The following CSMD1 variants were observed in gnomAD, a reference collection of about 807,000 sequenced individuals.
CSMD1 encodes CUB and Sushi multiple domains 1.
A neutral mutation model predicts 417.5 loss-of-function variants in CSMD1; 213 were observed. The observed-to-expected ratio is 0.51, with a 90% CI of 0.46 to 0.57. The LOEUF (loss-of-function observed/expected upper bound fraction) is 0.57. Ranked by LOEUF, CSMD1 falls within the 20% of genes least tolerant of loss-of-function variation. CSMD1 has a pLI of 0.00. For synonymous variants in CSMD1, 2,862 were observed against 1,736.8 expected (o/e 1.65, Z -16.11); for missense variants, 6,923 against 4,529.7 (o/e 1.53, Z -15.17).
At chr8:4,183,945 A>G (rs1379319074) in intron 3 of CSMD1, among the ~76,000 whole-genome samples, 1 of 152,150 alleles carries the variant, frequency 6.6e-6, no homozygotes, top group Non-Finnish European at 1.5e-5. Context: ...AAACCTATGA[A>G]CTGCTCCTGA....
intron 5 of CSMD1, among the ~76,000 whole-genome samples, chr8:3,943,698 T>C (rs142795495): frequency 0.01 from 1,582 of 152,236 alleles, 22 homozygotes; most frequent in African/African-American, 0.036. Context: ...GAAGACACAA[T>C]GCCAATTCTG....
intron 10 of CSMD1, among the ~76,000 whole-genome samples, chr8:3,530,528 T>C (rs532842460): frequency 3.9e-5 from 6 of 152,326 alleles, no homozygotes; most frequent in Middle Eastern, 3.4e-3. Flanking sequence ...CGTTTTGTTT[T>C]GTTTTTGTTT....
chr8:3,842,689 A>G (rs1168653065), intron 5 of CSMD1, among the ~76,000 whole-genome samples: 1 of 152,168 alleles, frequency 6.6e-6, no homozygotes, highest in Non-Finnish European at 1.5e-5. Flanking sequence ...ATTTGAAACT[A>G]AAACCAAACT....
intron 26 of CSMD1, among the ~76,000 whole-genome samples, chr8:3,257,323 T>G (rs62505003): frequency 6.6e-6 from 1 of 152,250 alleles, no homozygotes; most frequent in Non-Finnish European, 1.5e-5. Context: ...AAACTCCATC[T>G]CAAAACAAAC....
intron 3 of CSMD1, among the ~76,000 whole-genome samples, chr8:4,312,840 G>A (rs1228210765): frequency 6.6e-6 from 1 of 152,066 alleles, no homozygotes; most frequent in Non-Finnish European, 1.5e-5. Context: ...CGCCAGGCAA[G>A]GCGGTAAGAG....
intron 44 of CSMD1, 77 bp downstream of exon 44, chr8:3,108,526 A>G: frequency 6.9e-7 from 1 of 1,450,132 alleles, no homozygotes; most frequent in Non-Finnish European, 9.4e-7. Context: ...TCAGCTGGAA[A>G]CAAGGCGTGG....
At chr8:4,849,080 G>C (rs552343325) in intron 1 of CSMD1, among the ~76,000 whole-genome samples, 70 of 152,158 alleles carry the variant, frequency 4.6e-4, no homozygotes, top group Non-Finnish European at 7.2e-4. Flanking sequence ...ACAAAATTTG[G>C]TGGTAGAAGA....
intron 1 of CSMD1, among the ~76,000 whole-genome samples, chr8:4,974,251 C>G (rs1288225835): frequency 2.0e-5 from 3 of 151,488 alleles, no homozygotes; most frequent in Non-Finnish European, 4.4e-5. Flanking sequence ...GTCTTGAACT[C>G]CTGACCTCAT....
At chr8:4,846,594 G>T (rs1310836704) in intron 1 of CSMD1, among the ~76,000 whole-genome samples, 1 of 152,190 alleles carries the variant, frequency 6.6e-6, no homozygotes, top group Non-Finnish European at 1.5e-5. Flanking sequence ...CCTGTAGGAG[G>T]CTCAGCCTTG....
At chr8:3,322,278 T>C (rs1806200879) in intron 23 of CSMD1, among the ~76,000 whole-genome samples, 1 of 152,224 alleles carries the variant, frequency 6.6e-6, no homozygotes, top group Non-Finnish European at 1.5e-5. Context: ...TTTATTTTTA[T>C]ATTTTCACTT....
intron 41 of CSMD1, among the ~76,000 whole-genome samples, chr8:3,137,739 GA>G (rs1306081416): frequency 1.3e-5 from 2 of 152,178 alleles, no homozygotes; most frequent in Non-Finnish European, 2.9e-5. Flanking sequence ...ACGATGATAA[GA>G]AAAAGAGTCT....
intron 48 of CSMD1, among the ~76,000 whole-genome samples, chr8:3,089,528 C>G (rs1320290623): frequency 6.6e-6 from 1 of 152,124 alleles, no homozygotes; most frequent in Non-Finnish European, 1.5e-5. Flanking sequence ...AGGGCAAATA[C>G]ATGTTGGGGA....
intron 2 of CSMD1, among the ~76,000 whole-genome samples, chr8:4,564,868 C>G (rs776149673): frequency 3.0e-4 from 45 of 152,154 alleles, no homozygotes; most frequent in Non-Finnish European, 4.6e-4. Context: ...ACTATTTTTT[C>G]TGTGTCTTGT....
intron 2 of CSMD1, among the ~76,000 whole-genome samples, chr8:4,426,108 C>T (rs894467096): frequency 2.6e-5 from 4 of 151,248 alleles, no homozygotes; most frequent in Middle Eastern, 3.4e-3. Flanking sequence ...AAAATCTTAT[C>T]GCCTATGGAT....
intron 1 of CSMD1, among the ~76,000 whole-genome samples, chr8:4,898,500 T>G (rs1025079474): frequency 2.0e-5 from 3 of 152,194 alleles, no homozygotes; most frequent in Admixed American, 1.3e-4. Flanking sequence ...GCCTGCTCAC[T>G]CCCATTACAG....
chr8:3,544,617 G>A (rs1379707613), intron 10 of CSMD1, among the ~76,000 whole-genome samples: 2 of 152,048 alleles, frequency 1.3e-5, no homozygotes, highest in Admixed American at 6.5e-5. Context: ...ACAAAGGCGG[G>A]GGCCCTGGGA....
chr8:3,918,665 A>G (rs113538321), intron 5 of CSMD1, among the ~76,000 whole-genome samples: 1,949 of 152,262 alleles, frequency 0.013, 34 homozygotes, highest in African/African-American at 0.041. Flanking sequence ...AAGCTGAGGT[A>G]TATGTTTATA....
intron 41 of CSMD1, among the ~76,000 whole-genome samples, chr8:3,132,727 AC>A (rs1359901365): frequency 2.1e-4 from 32 of 152,348 alleles, no homozygotes; most frequent in African/African-American, 6.5e-4. Flanking sequence ...GCATAACAAG[AC>A]AACTATTCAC....
At chr8:3,260,574 C>T (rs917181860) in intron 26 of CSMD1, among the ~76,000 whole-genome samples, 7 of 151,836 alleles carry the variant, frequency 4.6e-5, no homozygotes, top group Non-Finnish European at 1.0e-4. Flanking sequence ...GAGGGTCCAC[C>T]GAGAACAAAC....
Sources: gnomAD v4.1 joint callset for allele counts (sites outside exome capture counted in the v4.1 genomes callset) on GRCh38, gnomAD v4.1.1 for gene constraint, MANE v1.5 for transcripts, NCBI Gene and HGNC (gene_info 2026-07-23, HGNC 2026-07-21) for gene names.